The following EFR3A variants were observed in gnomAD, a reference collection of about 807,000 sequenced individuals.
EFR3A encodes the protein EFR3 homolog A.
Under a neutral mutation model 104.4 loss-of-function variants are expected in EFR3A, and 76 were observed. The ratio of observed to expected loss-of-function variants is 0.73; its 90% CI spans 0.60 to 0.88. The LOEUF (loss-of-function observed/expected upper bound fraction) is 0.88, where lower values mean the gene tolerates loss of function less well. EFR3A is among the 40% of genes least tolerant of loss of function. The pLI, the probability that EFR3A is intolerant of heterozygous loss-of-function variation, is 0.00. For missense variants in EFR3A, 985 were observed against 1,012.5 expected, an observed-to-expected ratio of 0.97 and a Z score of 0.37; for synonymous variants, 330 against 330.0, an observed-to-expected ratio of 1.00 and a Z score of 0.00.
intron 7 of EFR3A, 85 bp from the exon 8 acceptor site, chr8:131,959,500 A>G: frequency 9.4e-7 from 1 of 1,065,254 alleles, no homozygotes; most frequent in South Asian, 1.4e-5. Context: ...TATTCTCACT[A>G]TTAAGCTTTT....
intron 10 of EFR3A, among the ~76,000 whole-genome samples, chr8:131,970,973 A>G (rs1820022798): frequency 1.3e-5 from 2 of 151,898 alleles, no homozygotes; most frequent in Non-Finnish European, 2.9e-5. Context: ...TTGTGTGTGT[A>G]TGTATATGTG....
intron 20 of EFR3A, 106 bp downstream of exon 20, chr8:132,001,913 A>T: frequency 1.0e-6 from 1 of 967,088 alleles, no homozygotes; most frequent in Non-Finnish European, 1.6e-6. Context: ...AAATAAACCA[A>T]AGAAACTTGT....
At chr8:131,929,345 T>C (rs903853658) in intron 1 of EFR3A, among the ~76,000 whole-genome samples, 6 of 152,158 alleles carry the variant, frequency 3.9e-5, no homozygotes, top group African/African-American at 1.4e-4. Flanking sequence ...TTGCAGAACT[T>C]TATGCTTACT....
chr8:131,979,434 C>T lies in EFR3A; in HGVS notation c.1575+13C>T, dbSNP rs1222958735. 6.6e-7 allele frequency: 1 copy of T among 1,514,368 alleles called. No homozygotes were observed. Among genetic ancestry groups the T allele is most frequent in the Middle Eastern group, 1.7e-4 (1 of 5,902 alleles). The allele number at this position is 1,514,368 out of a possible 1,614,324, so 93.8% of individuals were successfully genotyped here. On this transcript the variant is annotated intron_variant, in intron 14 of 22. Coordinates refer to ENST00000254624, the MANE Select transcript of EFR3A (RefSeq NM_015137.6). ...TTTCATGAAAAAGGTAAGACATCTTCTAAAAAAATAAATGTGTAGTGTAAA... is the reference window on the plus strand; with the variant it reads ...TTTCATGAAAAAGGTAAGACATCTTTTAAAAAAATAAATGTGTAGTGTAAA...
At position 131,910,806 on chromosome 8, in the gene EFR3A, G is replaced by T. The variant is rs75773924; in HGVS notation, c.10+6484G>T. On this transcript the variant is annotated intron_variant, in intron 1 of 22. Coordinates refer to ENST00000254624, the MANE Select transcript of EFR3A (RefSeq NM_015137.6). ...TTATCATATGCAGTGTTTCTGTTGT[G>T]GTGGGATGGATTGCAGTGAATGAAT... Among the ~76,000 whole-genome samples, 719 of 152,272 alleles carry T rather than the reference G, an allele frequency of 4.7e-3. 7 individuals are homozygous for T. Among genetic ancestry groups the T allele is most frequent in the African/African-American group, 0.016 (665 of 41,558 alleles).
intron 1 of EFR3A, among the ~76,000 whole-genome samples, chr8:131,912,112 CTT>C (rs1158919240): frequency 1.3e-5 from 2 of 150,678 alleles, no homozygotes; most frequent in African/African-American, 5.0e-5. Flanking sequence ...CAGAGAAAAA[CTT>C]TTGTTTTTGA....
chr8:131,987,714 A>G lies in EFR3A; in HGVS notation c.2065+12A>G, dbSNP rs1820962794. 6.4e-7 allele frequency: 1 copy of G among 1,574,098 alleles called. No individual in the cohort carries two copies. The highest frequency in any genetic ancestry group is 8.6e-7 in the Non-Finnish European group (1 of 1,160,676). ...ACCACAAGTAACAGGTAAGAGGAGG[A>G]TAATTAGAACTTTCACTCTGGTGAT... is the stretch of plus-strand genomic sequence containing the variant. On this transcript the variant is annotated intron_variant, in intron 18 of 22. Transcript: ENST00000254624.
At chr8:131,938,867 CAG>C (rs1274549177) in intron 1 of EFR3A, among the ~76,000 whole-genome samples, 9 of 152,064 alleles carry the variant, frequency 5.9e-5, no homozygotes, top group African/African-American at 2.2e-4. Context: ...TCATAACCCT[CAG>C]AGAGTTACGA....
intron 1 of EFR3A, among the ~76,000 whole-genome samples, chr8:131,922,982 A>G (rs539347978): frequency 9.8e-5 from 15 of 152,300 alleles, no homozygotes; most frequent in African/African-American, 3.6e-4. Flanking sequence ...TACTAATAAC[A>G]CTTTCTATTG....
chr8:132,003,699 T>G (rs1821901442), intron 22 of EFR3A, among the ~76,000 whole-genome samples: 1 of 152,244 alleles, frequency 6.6e-6, no homozygotes, highest in South Asian at 2.1e-4. Flanking sequence ...AGTCTACTTA[T>G]GCAGATAGCT....
rs545230669 is a variant in EFR3A at position 131,944,701 on chromosome 8, G to A, written c.88-44G>A. 19 of 1,496,390 alleles carry A rather than the reference G, an allele frequency of 1.3e-5. No homozygotes were observed. In the South Asian group the frequency reaches 2.2e-4, roughly 17 times the overall value. The allele number at this position is 1,496,390 out of a possible 1,614,324, so 92.7% of individuals were successfully genotyped here. A position where few individuals can be genotyped will look rare whatever the true frequency, so the allele number is the denominator to read the frequency against. ...CAGGCAACACTTAAAAATATAATAA[G>A]CATGAAAATATAGATAATCTATTTA... On this transcript the variant is annotated intron_variant, in intron 2 of 22. Coordinates refer to ENST00000254624, the MANE Select transcript of EFR3A (RefSeq NM_015137.6).
At chr8:132,008,904 G>C (rs1822182946) in intron 22 of EFR3A, among the ~76,000 whole-genome samples, 1 of 144,874 alleles carries the variant, frequency 6.9e-6, no homozygotes, top group South Asian at 2.3e-4. Context: ...ATTGGGCTGT[G>C]ATTTACATGG....
chr8:132,005,538 C>G (rs1209329597), intron 22 of EFR3A, among the ~76,000 whole-genome samples: 2 of 152,020 alleles, frequency 1.3e-5, no homozygotes, highest in Middle Eastern at 6.8e-3. Context: ...ACACCACACA[C>G]CCACACCCCC....
chr8:131,968,010 CT>C (rs1315527839), intron 8 of EFR3A, among the ~76,000 whole-genome samples: 9 of 151,860 alleles, frequency 5.9e-5, no homozygotes, highest in Non-Finnish European at 1.3e-4. Flanking sequence ...CAGTGTTAAT[CT>C]TTTTATATAT....
At position 132,013,489 on chromosome 8, in the gene EFR3A, G is replaced by A. The variant is rs556279905; in HGVS notation, c.*2594G>A. The A allele has an allele frequency of 4.6e-5, 7 of 152,572 alleles. No homozygotes were observed. The highest frequency in any genetic ancestry group is 1.7e-4 in the African/African-American group (7 of 41,510). 9.5% of individuals were successfully genotyped at this position (152,572 alleles called of 1,614,324 possible). On this transcript the variant is annotated 3_prime_UTR_variant, in exon 23 of 23. Coordinates refer to ENST00000254624, the MANE Select transcript of EFR3A (RefSeq NM_015137.6). ...ATTTGTCTTATTCGTGCTTATATCT[G>A]TATTAAATGCAATAAAGTTAGTTTT...
intron 1 of EFR3A, 124 bp downstream of exon 1, chr8:131,904,446 T>A: frequency 1.0e-6 from 1 of 969,838 alleles, no homozygotes; most frequent in Non-Finnish European, 1.3e-6. Context: ...AGGAAGTGTC[T>A]GCGAGCGGCG....
chr8:131,940,996 A>C (rs1818145551), intron 2 of EFR3A, among the ~76,000 whole-genome samples: 2 of 152,118 alleles, frequency 1.3e-5, no homozygotes, highest in Admixed American at 1.3e-4. Flanking sequence ...TGTAAAAAAA[A>C]AATGTTGTAC....
chr8:132,000,759 G>A (rs529000985), intron 19 of EFR3A: 2 of 152,120 alleles, frequency 1.3e-5, no homozygotes, highest in African/African-American at 4.8e-5. Context: ...TGTCTGCTCC[G>A]AATATCTAGA....
At position 131,953,954 on chromosome 8, in the gene EFR3A, G is replaced by A; in HGVS notation, c.625G>A (p.Glu209Lys). Residue 209 changes from glutamate to lysine, a missense_variant, in exon 6 of 23, where the codon GAA (glutamate) becomes AAA (lysine). Transcript: ENST00000254624. The stretch of plus-strand genomic sequence containing the variant: ...CCTCCTGTTTAACATGCAAAAGATA[G>A]AAGAAGTTGACAGGTATTTAAAAAA... ...PSLLFNMQKI[E>K]EVDSRIGPPS... is the part of the protein sequence containing the mutation. 6.5e-7 allele frequency: 1 copy of A among 1,546,782 alleles called. No individual in the cohort carries two copies. The highest frequency in any genetic ancestry group is 8.7e-7 in the Non-Finnish European group (1 of 1,145,188).
Sources: gnomAD v4.1 joint callset for allele counts (sites outside exome capture counted in the v4.1 genomes callset) on GRCh38, gnomAD v4.1.1 for gene constraint, MANE v1.5 for transcripts, NCBI Gene and HGNC (gene_info 2026-07-23, HGNC 2026-07-21) for gene names.